MKLN1: variants seen among roughly 807,000 people sequenced by gnomAD.
MKLN1 encodes the protein muskelin 1.
MKLN1 carries 18 observed loss-of-function variants against 99.0 expected under a neutral mutation model. The ratio of observed to expected loss-of-function variants is 0.18; its 90% CI spans 0.13 to 0.27. MKLN1 has a LOEUF of 0.27. MKLN1 is among the 10% of genes least tolerant of loss of function. The pLI, the probability that MKLN1 is intolerant of heterozygous loss-of-function variation, is 1.00. For missense variants in MKLN1, 621 were observed against 875.9 expected, an observed-to-expected ratio of 0.71 and a Z score of 3.67; for synonymous variants, 288 against 293.2, an observed-to-expected ratio of 0.98 and a Z score of 0.18.
At chr7:131,423,769 G>A (rs1289030834) in intron 8 of MKLN1, among the ~76,000 whole-genome samples, 1 of 152,220 alleles carries the variant, frequency 6.6e-6, no homozygotes, top group African/African-American at 2.4e-5. Flanking sequence ...ACTTCTGAAA[G>A]TAATGTGCAT....
intron 2 of MKLN1, among the ~76,000 whole-genome samples, chr7:131,161,926 T>C (rs1796055688): frequency 6.8e-6 from 1 of 147,352 alleles, no homozygotes; most frequent in African/African-American, 2.5e-5. Context: ...GTATGTTATA[T>C]ATACATATAT....
intron 6 of MKLN1, among the ~76,000 whole-genome samples, chr7:131,409,006 TCTTG>T (rs1240186232): frequency 6.6e-6 from 1 of 152,230 alleles, no homozygotes; most frequent in Admixed American, 6.5e-5. Context: ...TGTTCTGATC[TCTTG>T]CTTTAGATTT....
intron 2 of MKLN1, among the ~76,000 whole-genome samples, chr7:131,162,597 T>A (rs1796071157): frequency 6.6e-6 from 1 of 152,212 alleles, no homozygotes; most frequent in Non-Finnish European, 1.5e-5. Context: ...ATAATATGTA[T>A]ATGAAACACA....
chr7:131,454,389 G>T (rs1381021963), intron 12 of MKLN1, among the ~76,000 whole-genome samples: 1 of 152,126 alleles, frequency 6.6e-6, no homozygotes. Context: ...AAAGCTAGTT[G>T]CAAATTTACA....
At chr7:131,469,462 T>G (rs1796757470) in intron 15 of MKLN1, among the ~76,000 whole-genome samples, 1 of 152,216 alleles carries the variant, frequency 6.6e-6, no homozygotes, top group African/African-American at 2.4e-5. Context: ...AACCTTGGTC[T>G]AATCTAATCT....
Position 131,174,001 on chromosome 7 carries a change from T to C in MKLN1, c.-296-28856T>C, listed in dbSNP as rs1796256457. Among the ~76,000 whole-genome samples the C allele has an allele frequency of 3.0e-5, 4 of 132,814 alleles. No homozygotes were observed. The Admixed American group carries it at 3.3e-4, about 11-fold the overall frequency. 87.1% of individuals were successfully genotyped at this position (132,814 alleles called of 152,430 possible). A position where few individuals can be genotyped will look rare whatever the true frequency, so the allele number is the denominator to read the frequency against. On this transcript the variant is annotated intron_variant, in intron 2 of 7. Coordinates refer to the MKLN1 transcript ENST00000416992. Reference sequence around the variant, plus strand: ...TTTTTTTTTTTTTTTGAGACGGGAGTCTCGGTCTGTCACCCAGGCTGGACT... The same window carrying C: ...TTTTTTTTTTTTTTTGAGACGGGAGCCTCGGTCTGTCACCCAGGCTGGACT...
At chr7:131,128,639 A>G (rs751874726) in intron 1 of MKLN1, among the ~76,000 whole-genome samples, 29 of 152,162 alleles carry the variant, frequency 1.9e-4, no homozygotes, top group Non-Finnish European at 3.8e-4. Context: ...ATTTTTTTTC[A>G]TAGGGTCTTG....
chr7:131,341,020 G>A (rs191966182), intron 1 of MKLN1, among the ~76,000 whole-genome samples: 1 of 152,118 alleles, frequency 6.6e-6, no homozygotes, highest in Non-Finnish European at 1.5e-5. Context: ...TATTTTTAAT[G>A]AGACCTTGAA....
chr7:131,386,438 T>G (rs1450177231), intron 2 of MKLN1, among the ~76,000 whole-genome samples: 1 of 152,194 alleles, frequency 6.6e-6, no homozygotes, highest in Non-Finnish European at 1.5e-5. Flanking sequence ...TATTATCCAA[T>G]ATCGTGAAGC....
intron 3 of MKLN1, among the ~76,000 whole-genome samples, chr7:131,316,664 T>C (rs1798674263): frequency 1.3e-5 from 2 of 152,086 alleles, no homozygotes; most frequent in Non-Finnish European, 2.9e-5. Context: ...TCCTTTGAGC[T>C]AAAGGAACAT....
intron 2 of MKLN1, among the ~76,000 whole-genome samples, chr7:131,177,932 G>A (rs527261393): frequency 1.3e-5 from 2 of 152,276 alleles, no homozygotes; most frequent in South Asian, 4.1e-4. Context: ...AGCTGCTTCT[G>A]TCTTCCTACT....
At chr7:131,458,351 C>T (rs1056516198) in intron 12 of MKLN1, among the ~76,000 whole-genome samples, 2 of 152,072 alleles carry the variant, frequency 1.3e-5, no homozygotes, top group Non-Finnish European at 2.9e-5. Context: ...GAGCAGGACT[C>T]AATGAAAACT....
intron 3 of MKLN1, among the ~76,000 whole-genome samples, chr7:131,203,896 C>T (rs1796766389): frequency 6.6e-6 from 1 of 152,050 alleles, no homozygotes; most frequent in Non-Finnish European, 1.5e-5. Context: ...CCTAACATAG[C>T]CCTCATTTAT....
At chr7:131,227,322 CTTTCTTCT>C (rs887880125) in intron 3 of MKLN1, among the ~76,000 whole-genome samples, 2 of 152,014 alleles carry the variant, frequency 1.3e-5, no homozygotes, top group African/African-American at 4.8e-5. Flanking sequence ...AGGAGACTTC[CTTTCTTCT>C]TTTCTTTTCT....
upstream of MKLN1, among the ~76,000 whole-genome samples, chr7:131,324,897 G>T (rs188503448): frequency 3.3e-5 from 5 of 152,226 alleles, no homozygotes; most frequent in East Asian, 9.6e-4. Flanking sequence ...TAATATAGCT[G>T]TCTGTATGTT....
intron 1 of MKLN1, among the ~76,000 whole-genome samples, chr7:131,120,534 G>C (rs1477000114): frequency 1.0e-5 from 1 of 97,478 alleles, no homozygotes; most frequent in African/African-American, 4.1e-5. Context: ...GGGAGACAGA[G>C]CAAGACTCCC....
intron 3 of MKLN1, among the ~76,000 whole-genome samples, chr7:131,291,377 C>T (rs149175557): frequency 0.093 from 14,046 of 151,398 alleles, 789 homozygotes; most frequent in African/African-American, 0.16. Context: ...GTGATCCACC[C>T]GCCTCAGCCT....
intron 17 of MKLN1, among the ~76,000 whole-genome samples, chr7:131,482,577 C>G (rs147672263): frequency 6.6e-6 from 1 of 152,214 alleles, no homozygotes; most frequent in East Asian, 1.9e-4. Context: ...GAAAATCCAG[C>G]TACGTGTAGG....
At chr7:131,364,823 A>G (rs1313476057) in intron 1 of MKLN1, among the ~76,000 whole-genome samples, 1 of 152,164 alleles carries the variant, frequency 6.6e-6, no homozygotes, top group African/African-American at 2.4e-5. Context: ...TCCATGGTGC[A>G]TATGTACCAC....
Sources: gnomAD v4.1 joint callset for allele counts (sites outside exome capture counted in the v4.1 genomes callset) on GRCh38, gnomAD v4.1.1 for gene constraint, MANE v1.5 for transcripts, NCBI Gene and HGNC (gene_info 2026-07-23, HGNC 2026-07-21) for gene names.